BCAS3: variants seen among roughly 807,000 people sequenced by gnomAD.
BCAS3 encodes the protein BCAS3 microtubule associated cell migration factor.
In BCAS3, 53 loss-of-function variants were observed where a neutral mutation model predicts 116.1. The observed-to-expected ratio is 0.46, with a 90% CI of 0.37 to 0.57. The LOEUF is 0.57. Ranked by LOEUF, BCAS3 falls within the 20% of genes least tolerant of loss-of-function variation. BCAS3 has a pLI of 0.00. For missense variants in BCAS3, 917 were observed against 1,165.4 expected, an observed-to-expected ratio of 0.79 and a Z score of 3.10; for synonymous variants, 391 against 408.2, an observed-to-expected ratio of 0.96 and a Z score of 0.51.
chr17:60,809,176 C>G (rs895580484), intron 7 of BCAS3, among the ~76,000 whole-genome samples: 1 of 151,076 alleles, frequency 6.6e-6, no homozygotes, highest in Non-Finnish European at 1.5e-5. Flanking sequence ...CCCAACTACC[C>G]GGAAGGCTGA....
chr17:61,307,979 AG>A lies in BCAS3; in HGVS notation c.2426-60347del, dbSNP rs1436298394. Among the ~76,000 whole-genome samples, 1 of 152,204 alleles carries A rather than the reference AG, an allele frequency of 6.6e-6. No individual in the cohort carries two copies. Among genetic ancestry groups the A allele is most frequent in the Non-Finnish European group, 1.5e-5 (1 of 68,036 alleles). On this transcript the variant is annotated intron_variant, in intron 22 of 23. Coordinates refer to ENST00000407086, the MANE Select transcript of BCAS3 (RefSeq NM_017679.5). This position sits in a 1 kb window ranked among gnomAD's most constrained non-coding sequence, Gnocchi z 4.7. ...AAGCACTCATTAAATTGAGCAGAGA[AG>A]TAATCTATTTCATCCAATAACCTTT... is the stretch of plus-strand genomic sequence containing the variant.
rs1240910932 is a variant in BCAS3, at chr17:61,326,096, T to C, written c.2426-42231T>C. ...ACAGTGGAGCTTGTGAAGTTTGTGG[T>C]CTAGGAGGGGAAAAGACATTAATCA... On this transcript the variant is annotated intron_variant, in intron 22 of 23. Coordinates refer to ENST00000407086, the MANE Select transcript of BCAS3 (RefSeq NM_017679.5). The surrounding 1 kb of genome is among the most constrained non-coding windows in gnomAD (Gnocchi z 5.3). Among the ~76,000 whole-genome samples the C allele has an allele frequency of 6.6e-6, 1 of 152,146 alleles. No homozygotes were observed. Among genetic ancestry groups the C allele is most frequent in the Non-Finnish European group, 1.5e-5 (1 of 68,028 alleles).
chr17:60,879,861 G>A (rs2055953848), intron 9 of BCAS3, among the ~76,000 whole-genome samples: 1 of 152,230 alleles, frequency 6.6e-6, no homozygotes, highest in Non-Finnish European at 1.5e-5. Flanking sequence ...GAGGAGCTCT[G>A]CTTTTATGTG....
At chr17:61,268,949 T>C (rs985388563) in intron 22 of BCAS3, among the ~76,000 whole-genome samples, 1 of 152,166 alleles carries the variant, frequency 6.6e-6, no homozygotes, top group Admixed American at 6.6e-5. Context: ...TTTCCTTTTT[T>C]TTTAAGGCTG....
At chr17:60,889,264 A>T (rs1201419131) in intron 9 of BCAS3, among the ~76,000 whole-genome samples, 2 of 152,098 alleles carry the variant, frequency 1.3e-5, no homozygotes, top group Admixed American at 6.6e-5. Flanking sequence ...TTCTCTCCTC[A>T]TTGTAGTATC....
chr17:61,350,592 A>G (rs2057777560), intron 22 of BCAS3, among the ~76,000 whole-genome samples: 1 of 151,962 alleles, frequency 6.6e-6, no homozygotes, highest in African/African-American at 2.4e-5. Context: ...ATGAATGGAT[A>G]AAGAAACTGT....
chr17:61,218,077 A>G (rs757041026), intron 22 of BCAS3, among the ~76,000 whole-genome samples: 39 of 152,334 alleles, frequency 2.6e-4, no homozygotes, highest in Non-Finnish European at 4.3e-4. Flanking sequence ...ATCCAGCCAG[A>G]ACAAGAAGAA....
Position 61,026,939 on chromosome 17 carries a change from C to G in BCAS3, c.1638-7727C>G. 6.3e-7 allele frequency: 1 copy of G among 1,584,774 alleles called. No homozygotes were observed. The highest frequency in any genetic ancestry group is 1.8e-5 in the Admixed American group (1 of 57,134). ...AGTTCCAGTTCAGTCCCGCATGCCT[C>G]ATTCATTTGCTGTACTCTCAAAAAG... is the stretch of plus-strand genomic sequence containing the variant. On this transcript the variant is annotated intron_variant, in intron 16 of 23. Transcript: ENST00000407086. This position sits in a 1 kb window ranked among gnomAD's most constrained non-coding sequence, Gnocchi z 5.0.
At position 61,181,607 on chromosome 17, in the gene BCAS3, A is replaced by G. The variant is rs1237743551; in HGVS notation, c.2425+97043A>G. On this transcript the variant is annotated intron_variant, in intron 22 of 23. Transcript: ENST00000407086. The surrounding 1 kb of genome is among the most constrained non-coding windows in gnomAD (Gnocchi z 5.0). ...ATTGGTGTTTCTTTCTGAGTTGCCA[A>G]ATGCTGAGAAAGCAGACAGTAATTG... Among the ~76,000 whole-genome samples, 1 of 152,156 alleles carries G rather than the reference A, an allele frequency of 6.6e-6. No homozygotes were observed. The highest frequency in any genetic ancestry group is 1.5e-5 in the Non-Finnish European group (1 of 68,016).
At chr17:60,981,785 A>T (rs925709706) in intron 14 of BCAS3, among the ~76,000 whole-genome samples, 2 of 152,218 alleles carry the variant, frequency 1.3e-5, no homozygotes, top group Non-Finnish European at 2.9e-5. Context: ...TGTTTTGCAA[A>T]TGAAGAATCT....
Position 61,051,980 on chromosome 17 carries a change from T to A in BCAS3, c.2029+11088T>A, listed in dbSNP as rs2068898738. ...AAAGGAAAAAGATCAGAGTATAAAA[T>A]CAGTGAAACAGAAAACATAAAAACA... is the stretch of plus-strand genomic sequence containing the variant. On this transcript the variant is annotated intron_variant, in intron 19 of 23. Transcript: ENST00000407086. The surrounding 1 kb of genome is among the most constrained non-coding windows in gnomAD (Gnocchi z 4.1). 6.6e-6 allele frequency among the ~76,000 whole-genome samples: 1 copy of A among 151,974 alleles called. No homozygotes were observed. The highest frequency in any genetic ancestry group is 1.9e-4 in the East Asian group (1 of 5,194).
chr17:61,087,088 G>T lies in BCAS3; in HGVS notation c.2425+2524G>T, dbSNP rs529079469. On this transcript the variant is annotated intron_variant, in intron 22 of 23. Coordinates refer to ENST00000407086, the MANE Select transcript of BCAS3 (RefSeq NM_017679.5). The surrounding 1 kb of genome is among the most constrained non-coding windows in gnomAD (Gnocchi z 4.6). ...AACATATTTATGGGAAAATTTTGTT[G>T]TAGATTCTTCTGTTAAAAAGAATCT... The T allele has an allele frequency of 9.1e-6, 9 of 984,810 alleles. No homozygotes were observed. The South Asian group carries it at 3.3e-4, about 36-fold the overall frequency. 61.0% of individuals were successfully genotyped at this position (984,810 alleles called of 1,614,324 possible).
At chr17:60,940,758 A>G (rs1393268161) in intron 13 of BCAS3, among the ~76,000 whole-genome samples, 1 of 152,242 alleles carries the variant, frequency 6.6e-6, no homozygotes, top group East Asian at 1.9e-4. Flanking sequence ...TTGATTCAGC[A>G]TAATCATGTT....
chr17:61,088,097 G>GC lies in BCAS3; in HGVS notation c.2425+3534dup, dbSNP rs1417864725. ...CTCAGGAGGCTGAGGCACAAGAATT[G>GC]CTTGAACCCGGGAGGCAGAGGTTGC... is the stretch of plus-strand genomic sequence containing the variant. On this transcript the variant is annotated intron_variant, in intron 22 of 23. Transcript: ENST00000407086. The surrounding 1 kb of genome is among the most constrained non-coding windows in gnomAD (Gnocchi z 4.2). 2.0e-4 allele frequency among the ~76,000 whole-genome samples: 30 copies of GC among 152,266 alleles called. No homozygotes were observed. The highest frequency in any genetic ancestry group is 6.0e-4 in the African/African-American group (25 of 41,552).
intron 22 of BCAS3, among the ~76,000 whole-genome samples, chr17:61,328,460 A>C (rs2055919428): frequency 6.6e-6 from 1 of 152,202 alleles, no homozygotes; most frequent in Non-Finnish European, 1.5e-5. Context: ...CTGGAAGCCA[A>C]AGTCCAAGAT....
rs144901322 is a variant in BCAS3 at position 60,930,913 on chromosome 17, C to T, written c.1087+6413C>T. Among the ~76,000 whole-genome samples the T allele has an allele frequency of 2.8e-3, 419 of 152,232 alleles. 1 individual carries two copies. Among genetic ancestry groups the T allele is most frequent in the African/African-American group, 9.5e-3 (393 of 41,540 alleles). On this transcript the variant is annotated intron_variant, in intron 13 of 23. Coordinates refer to ENST00000407086, the MANE Select transcript of BCAS3 (RefSeq NM_017679.5). ...TACATGATGGAATAACACTGCAAAA[C>T]GAATTTAGGAGACCATGTAGGTTGG... is the stretch of plus-strand genomic sequence containing the variant.
At chr17:60,807,446 G>C (rs1474252036) in intron 6 of BCAS3, among the ~76,000 whole-genome samples, 4 of 152,006 alleles carry the variant, frequency 2.6e-5, no homozygotes, top group Non-Finnish European at 5.9e-5. Context: ...TCATGGGGAA[G>C]GTGTATAAGA....
chr17:61,195,579 G>A (rs2144253064), intron 22 of BCAS3, among the ~76,000 whole-genome samples: 1 of 142,690 alleles, frequency 7.0e-6, no homozygotes, highest in Middle Eastern at 3.7e-3. Flanking sequence ...GTTTTGCCAT[G>A]TTGCCCAGGC....
intron 5 of BCAS3, among the ~76,000 whole-genome samples, chr17:60,729,531 TAAAA>T (rs886927276): frequency 6.6e-6 from 1 of 151,972 alleles, no homozygotes; most frequent in Non-Finnish European, 1.5e-5. Context: ...TGTCAGTCAT[TAAAA>T]AAAATCATCT....
Sources: gnomAD v4.1 joint callset for allele counts (sites outside exome capture counted in the v4.1 genomes callset) on GRCh38, gnomAD v4.1.1 for gene constraint, Gnocchi (gnomAD v3.1) non-coding constraint, MANE v1.5 for transcripts, NCBI Gene and HGNC (gene_info 2026-07-23, HGNC 2026-07-21) for gene names.